Variants in PCCB observed in about 807,000 individuals in gnomAD.
The protein encoded by PCCB is propionyl-CoA carboxylase subunit beta, also known as propionyl-CoA carboxylase beta chain, mitochondrial.
PCCB carries 43 observed loss-of-function variants against 60.7 expected under a neutral mutation model. The observed-to-expected ratio is 0.71, with a 90% CI of 0.55 to 0.91. The LOEUF (loss-of-function observed/expected upper bound fraction) is 0.91. Among genes scored for constraint, PCCB ranks in the 40% least tolerant of loss-of-function variants. The probability of loss-of-function intolerance (pLI) is 0.00; values close to 1 mark genes in which losing one functional copy is unlikely to be tolerated. For missense variants in PCCB, 766 were observed against 702.8 expected (o/e 1.09, Z -1.02); for synonymous variants, 276 against 255.9 (o/e 1.08, Z -0.75).
At chr3:136,279,736 C>T (rs146137570) in intron 5 of PCCB, among the ~76,000 whole-genome samples, 2,408 of 151,960 alleles carry the variant, frequency 0.016, 66 homozygotes, top group African/African-American at 0.055. Flanking sequence ...GGCGTGATCT[C>T]GACTCACTGC....
In PCCB at chr3:136,262,370, T is replaced by G. The variant is rs200425234; in HGVS notation, c.543+305T>G. Among the ~76,000 whole-genome samples, 77 of 152,164 alleles carry G rather than the reference T, an allele frequency of 5.1e-4. 1 individual carries two copies. The highest frequency in any genetic ancestry group is 9.3e-4 in the Non-Finnish European group (63 of 68,036). On this transcript the variant is annotated intron_variant, in intron 5 of 14. Coordinates refer to ENST00000251654, the MANE Select transcript of PCCB (RefSeq NM_000532.5). ...TTTTGAAAGCAAGGGAGAGGAAATA[T>G]GAAAAGTTAAAATGAACTGATGTGC...
rs781104080 is a variant in PCCB at position 136,302,963 on chromosome 3, A to G, written c.966+1852A>G. ...GCTGGGTGAGGTGGCTGTCGCCTGTAGTCCCATTTACTTGGGAGGCTGAGA... is the reference window on the plus strand; with the variant it reads ...GCTGGGTGAGGTGGCTGTCGCCTGTGGTCCCATTTACTTGGGAGGCTGAGA... On this transcript the variant is annotated intron_variant, in intron 9 of 14. Transcript: ENST00000251654. Among the ~76,000 whole-genome samples, 8 of 122,230 alleles carry G rather than the reference A, an allele frequency of 6.5e-5. 2 individuals are homozygous for G. Among genetic ancestry groups the G allele is most frequent in the Non-Finnish European group, 1.3e-4 (7 of 54,796 alleles). 80.2% of individuals were successfully genotyped at this position (122,230 alleles called of 152,430 possible).
intron 10 of PCCB, among the ~76,000 whole-genome samples, chr3:136,322,475 G>A (rs1237327457): frequency 6.6e-6 from 1 of 152,210 alleles, no homozygotes; most frequent in African/African-American, 2.4e-5. Flanking sequence ...CTCATAGAAT[G>A]AGTTAGAAAG....
At chr3:136,289,471 C>T (rs1933573840) in intron 6 of PCCB, among the ~76,000 whole-genome samples, 1 of 152,138 alleles carries the variant, frequency 6.6e-6, no homozygotes, top group African/African-American at 2.4e-5. Flanking sequence ...TTTGATTAGT[C>T]TTAGCATGTA....
rs147067564 is a variant in PCCB, at chr3:136,298,188, G to A, written c.884+116G>A. ...GCAAGTTGCAGCAGAGTGTGGTAGA[G>A]TGGCTCCCAGGTGTGGGGATGATGT... On this transcript the variant is annotated intron_variant, in intron 8 of 14. Transcript: ENST00000251654. 1,127 of 1,270,910 alleles carry A rather than the reference G, an allele frequency of 8.9e-4. 10 individuals carry two copies. The African/African-American group carries it at 0.015, about 17-fold the overall frequency. 78.7% of individuals were successfully genotyped at this position (1,270,910 alleles called of 1,614,324 possible).
At chr3:136,325,963 G>A (rs139061498) in intron 10 of PCCB, among the ~76,000 whole-genome samples, 1,723 of 151,948 alleles carry the variant, frequency 0.011, 29 homozygotes, top group East Asian at 0.047. Flanking sequence ...ACAGGTACCC[G>A]CCACCACACC....
chr3:136,305,458 ACTT>A (rs1029100407), intron 9 of PCCB, among the ~76,000 whole-genome samples: 3 of 121,120 alleles, frequency 2.5e-5, no homozygotes, highest in African/African-American at 5.0e-5. Context: ...TTTTAAAAAA[ACTT>A]CTTCTGGCCG....
chr3:136,326,299 G>A, intron 10 of PCCB: 1 of 701,508 alleles, frequency 1.4e-6, no homozygotes, highest in Non-Finnish European at 2.6e-6. Flanking sequence ...ACTAGTAATT[G>A]AGCTCCTACT....
At chr3:136,257,080 G>A (rs1941690563) in intron 3 of PCCB, among the ~76,000 whole-genome samples, 1 of 152,188 alleles carries the variant, frequency 6.6e-6, no homozygotes, top group Non-Finnish European at 1.5e-5. Flanking sequence ...GACAGATACA[G>A]TTTGTTCACA....
intron 3 of PCCB, among the ~76,000 whole-genome samples, chr3:136,257,982 G>T (rs191922462): frequency 2.0e-5 from 3 of 152,188 alleles, no homozygotes; most frequent in Non-Finnish European, 2.9e-5. Context: ...AAAATCTGTC[G>T]TAGTTAGTAT....
chr3:136,263,366 A>G (rs1941882933), intron 5 of PCCB, among the ~76,000 whole-genome samples: 1 of 151,520 alleles, frequency 6.6e-6, no homozygotes, highest in Admixed American at 6.6e-5. Flanking sequence ...CCTGGGCTCA[A>G]GCGATCATCC....
intron 10 of PCCB, among the ~76,000 whole-genome samples, chr3:136,320,794 C>T (rs746332414): frequency 2.6e-5 from 4 of 152,176 alleles, no homozygotes; most frequent in Admixed American, 6.5e-5. Flanking sequence ...TTACTTCTTC[C>T]TTTCCAATTT....
At chr3:136,280,398 G>A (rs1942445331) in intron 5 of PCCB, among the ~76,000 whole-genome samples, 1 of 152,172 alleles carries the variant, frequency 6.6e-6, no homozygotes, top group African/African-American at 2.4e-5. Flanking sequence ...CCAGGATGGA[G>A]TGCAGTGGTG....
At position 136,326,925 on chromosome 3, in the gene PCCB, G is replaced by C; in HGVS notation, c.1198+15G>C. ...CTTTCTACCTGGTAAGTTTTTGACA[G>C]AGTGGGGGCTAGGAGAGTTGCCTTT... On this transcript the variant is annotated intron_variant, in intron 11 of 14. Transcript: ENST00000251654. 6.6e-7 allele frequency: 1 copy of C among 1,519,844 alleles called. No homozygotes were observed. Among genetic ancestry groups the C allele is most frequent in the Non-Finnish European group, 9.1e-7 (1 of 1,094,106 alleles). The allele number at this position is 1,519,844 out of a possible 1,614,324, so 94.1% of individuals were successfully genotyped here.
At chr3:136,294,916 C>G (rs12633129) in intron 7 of PCCB, among the ~76,000 whole-genome samples, 2 of 152,176 alleles carry the variant, frequency 1.3e-5, no homozygotes, top group African/African-American at 2.4e-5. Context: ...CCATGTCCGG[C>G]TAGTTGTTCA....
intron 10 of PCCB, 147 bp from the exon 11 acceptor site, chr3:136,326,656 G>A: frequency 1.4e-6 from 1 of 722,618 alleles, no homozygotes; most frequent in Non-Finnish European, 2.5e-6. Context: ...CCTGGAGTTT[G>A]AGGGGTCCTT....
chr3:136,296,597 T>C (rs1576336961), intron 7 of PCCB, among the ~76,000 whole-genome samples: 2 of 152,336 alleles, frequency 1.3e-5, no homozygotes, highest in East Asian at 3.9e-4. Flanking sequence ...TGGGTAGACA[T>C]ATGTTTTCAT....
intron 5 of PCCB, among the ~76,000 whole-genome samples, chr3:136,268,087 G>GATATATATATAGAT (rs1942066296): frequency 1.1e-5 from 1 of 93,800 alleles, no homozygotes; most frequent in Non-Finnish European, 2.1e-5. Flanking sequence ...TGTGTGTGTA[G>GATATATATATAGAT]ATATATATAT....
chr3:136,254,879 T>C (rs1178073374), intron 1 of PCCB, among the ~76,000 whole-genome samples: 1 of 135,396 alleles, frequency 7.4e-6, no homozygotes, highest in African/African-American at 3.0e-5. Flanking sequence ...TCAAAGAAGC[T>C]TTTTTTTTTT....
Sources: gnomAD v4.1 joint callset for allele counts (sites outside exome capture counted in the v4.1 genomes callset) on GRCh38, gnomAD v4.1.1 for gene constraint, MANE v1.5 for transcripts, NCBI Gene and HGNC (gene_info 2026-07-23, HGNC 2026-07-21) for gene names.